Variants in ARHGAP29 observed in about 807,000 individuals in gnomAD.
The protein encoded by ARHGAP29 is rho GTPase-activating protein 29.
A neutral mutation model predicts 122.6 loss-of-function variants in ARHGAP29; 43 were observed. The ratio of observed to expected loss-of-function variants is 0.35; its 90% CI spans 0.27 to 0.45. The LOEUF (loss-of-function observed/expected upper bound fraction) is 0.45, where lower values mean the gene tolerates loss of function less well. Ranked by LOEUF, ARHGAP29 falls within the 20% of genes least tolerant of loss-of-function variation. The probability of loss-of-function intolerance (pLI) is 1.00; values close to 1 mark genes in which losing one functional copy is unlikely to be tolerated. For missense variants in ARHGAP29, 1,303 were observed against 1,477.2 expected, an observed-to-expected ratio of 0.88 and a Z score of 1.93; for synonymous variants, 506 against 497.1, an observed-to-expected ratio of 1.02 and a Z score of -0.24.
chr1:94,232,475 T>C (rs1354504240), intron 1 of ARHGAP29, among the ~76,000 whole-genome samples: 5 of 152,194 alleles, frequency 3.3e-5, no homozygotes, highest in African/African-American at 7.2e-5. Flanking sequence ...ACTGGTTAAA[T>C]AAACACGTGT....
In ARHGAP29 at chr1:94,170,541, G is replaced by C. The variant is rs1188466829; in HGVS notation, c.*3328C>G. 2.0e-5 allele frequency among the ~76,000 whole-genome samples: 3 copies of C among 152,140 alleles called. No homozygotes were observed. The highest frequency in any genetic ancestry group is 4.4e-5 in the Non-Finnish European group (3 of 68,032). On this transcript the variant is annotated 3_prime_UTR_variant, in exon 23 of 23. Coordinates refer to ENST00000260526, the MANE Select transcript of ARHGAP29 (RefSeq NM_004815.4). ...CAATCAAAATCAGCAGATTGAATGTGGTCTATGGATTAGATATCATGATGT... is the reference window on the plus strand; with the variant it reads ...CAATCAAAATCAGCAGATTGAATGTCGTCTATGGATTAGATATCATGATGT...
chr1:94,290,018 G>A, the ARHGAP29 span, among the ~76,000 whole-genome samples: 2 of 152,152 alleles, frequency 1.3e-5, no homozygotes, highest in Admixed American at 6.5e-5. Context: ...AATGAGTTAG[G>A]GAGGATTCCC....
At chr1:94,306,356 A>T in the ARHGAP29 span, among the ~76,000 whole-genome samples, 1 of 152,362 alleles carries the variant, frequency 6.6e-6, no homozygotes, top group Non-Finnish European at 1.5e-5. Context: ...GGGCTGCTTT[A>T]TGATATCCAT....
At chr1:94,253,508 A>G (rs1410449712) in intron 1 of ARHGAP29, among the ~76,000 whole-genome samples, 2 of 152,308 alleles carry the variant, frequency 1.3e-5, no homozygotes, top group East Asian at 3.9e-4. Flanking sequence ...ATTTACTCCT[A>G]TTATTTTGGA....
intron 1 of ARHGAP29, among the ~76,000 whole-genome samples, chr1:94,252,192 G>T (rs904542864): frequency 2.0e-5 from 3 of 152,120 alleles, no homozygotes; most frequent in Non-Finnish European, 2.9e-5. Flanking sequence ...ACTAACATAT[G>T]ACAAGTTTCA....
Position 94,237,404 on chromosome 1 carries a change from C to T in ARHGAP29, c.-33+11G>A, listed in dbSNP as rs1653347568. 10 of 986,352 alleles carry T rather than the reference C, an allele frequency of 1.0e-5. No individual in the cohort carries two copies. The highest frequency in any genetic ancestry group is 6.1e-5 in the Admixed American group (1 of 16,270). The allele number at this position is 986,352 out of a possible 1,614,324, so 61.1% of individuals were successfully genotyped here. On this transcript the variant is annotated intron_variant, in intron 1 of 22. Coordinates refer to ENST00000260526, the MANE Select transcript of ARHGAP29 (RefSeq NM_004815.4). ...CCGCGGCCGGAGCAAGCGCCACCTC[C>T]TCACACTCACCACGGCGCTCCATCT...
At chr1:94,248,291 C>T (rs1452907258) in intron 1 of ARHGAP29, among the ~76,000 whole-genome samples, 1 of 152,212 alleles carries the variant, frequency 6.6e-6, no homozygotes, top group African/African-American at 2.4e-5. Flanking sequence ...ATCGCATGTC[C>T]CCTAACCACG....
chr1:94,254,660 A>G (rs1654258659), intron 1 of ARHGAP29, among the ~76,000 whole-genome samples: 1 of 152,206 alleles, frequency 6.6e-6, no homozygotes, highest in South Asian at 2.1e-4. Flanking sequence ...AAAAACCAGA[A>G]CCTAAGGAAA....
chr1:94,295,168 T>C, the ARHGAP29 span, among the ~76,000 whole-genome samples: 1 of 152,098 alleles, frequency 6.6e-6, no homozygotes. Flanking sequence ...AAAAGAACAG[T>C]GATAACAATT....
rs1019417796 is a variant in ARHGAP29, at chr1:94,230,311, T to C, written c.205+1096A>G. Among the ~76,000 whole-genome samples the C allele has an allele frequency of 5.3e-5, 8 of 151,730 alleles. No individual in the cohort carries two copies. The South Asian group carries it at 8.3e-4, about 16-fold the overall frequency. ...AGGTAACTTTACTGCCATTTAATCA[T>C]CCACAATCAGACTTCAAAATCAAGC... is the stretch of plus-strand genomic sequence containing the variant. On this transcript the variant is annotated intron_variant, in intron 2 of 22. Coordinates refer to ENST00000260526, the MANE Select transcript of ARHGAP29 (RefSeq NM_004815.4).
chr1:94,278,478 C>T (rs140057786), upstream of ARHGAP29, among the ~76,000 whole-genome samples: 30 of 152,216 alleles, frequency 2.0e-4, no homozygotes, highest in African/African-American at 7.2e-4. Context: ...GTAAACATGT[C>T]TTTTATGGAG....
upstream of ARHGAP29, among the ~76,000 whole-genome samples, chr1:94,241,080 A>G (rs1186815160): frequency 6.6e-6 from 1 of 152,180 alleles, no homozygotes; most frequent in African/African-American, 2.4e-5. Context: ...GACTACCCTC[A>G]TCCCCAAGAA....
At chr1:94,258,465 A>G (rs1570615344) in intron 1 of ARHGAP29, among the ~76,000 whole-genome samples, 2 of 152,244 alleles carry the variant, frequency 1.3e-5, no homozygotes, top group Admixed American at 1.3e-4. Context: ...CCAGTCTGTC[A>G]TCTGTAAGTT....
At chr1:94,201,975 A>G (rs1650879762) in intron 11 of ARHGAP29, 118 bp from the exon 12 acceptor site, 1 of 994,560 alleles carries the variant, frequency 1.0e-6, no homozygotes, top group Admixed American at 2.9e-5. Context: ...TTTTCAAAAT[A>G]ATACTTCTGA....
chr1:94,209,806 C>CAT (rs1243624939), intron 3 of ARHGAP29, among the ~76,000 whole-genome samples: 2 of 16,960 alleles, frequency 1.2e-4, no homozygotes, highest in African/African-American at 1.4e-4. Flanking sequence ...TAATTAAAGT[C>CAT]ATATATATAT....
chr1:94,202,861 T>A, intron 10 of ARHGAP29, 57 bp downstream of exon 10: 1 of 1,552,572 alleles, frequency 6.4e-7, no homozygotes, highest in Non-Finnish European at 8.7e-7. Context: ...CAGTATATAC[T>A]GCAGATTATT....
Position 94,190,058 on chromosome 1 carries a change from T to A in ARHGAP29, c.1307A>T (p.Gln436Leu), listed in dbSNP as rs761728506. Residue 436 changes from glutamine to leucine, a missense_variant, in exon 13 of 23, where the codon CAG becomes CTG. Coordinates refer to ENST00000260526, the MANE Select transcript of ARHGAP29 (RefSeq NM_004815.4). Reference protein sequence around the residue: ...KAVTVNLFHMQHLQAASLADS... With the variant: ...KAVTVNLFHMLHLQAASLADS... The stretch of plus-strand genomic sequence containing the variant: ...TGCAAGGGAAGCAGCCTGCAGATGC[T>A]GCATGTGGAAGAGGTTAACTGTTAC... 24 of 1,613,186 alleles carry A rather than the reference T, an allele frequency of 1.5e-5. No individual in the cohort carries two copies. The highest frequency in any genetic ancestry group is 1.5e-5 in the Non-Finnish European group (18 of 1,179,504).
At chr1:94,190,376 G>A (rs1650062926) in intron 12 of ARHGAP29, 1 of 250,436 alleles carries the variant, frequency 4.0e-6, no homozygotes, top group African/African-American at 2.2e-5. Context: ...AATTTTAGGA[G>A]ATGGATGTGT....
chr1:94,267,535 T>C (rs1055607792), intron 1 of ARHGAP29, among the ~76,000 whole-genome samples: 5 of 152,216 alleles, frequency 3.3e-5, no homozygotes, highest in African/African-American at 7.2e-5. Flanking sequence ...GCATATCTAA[T>C]AGTCAGTGCC....
Sources: gnomAD v4.1 joint callset for allele counts (sites outside exome capture counted in the v4.1 genomes callset) on GRCh38, gnomAD v4.1.1 for gene constraint, MANE v1.5 for transcripts, NCBI Gene and HGNC (gene_info 2026-07-23, HGNC 2026-07-21) for gene names.